The following MAP3K19 variants were observed in gnomAD, a reference collection of about 807,000 sequenced individuals.
MAP3K19 encodes the protein mitogen-activated protein kinase kinase kinase 19, also known as SPS1/STE20-related protein kinase YSK4.
In MAP3K19, 91 loss-of-function variants were observed where a neutral mutation model predicts 114.4. The ratio of observed to expected loss-of-function variants is 0.80; its 90% CI spans 0.67 to 0.95. MAP3K19 has a LOEUF of 0.95. Ranked by LOEUF, MAP3K19 falls within the 40% of genes least tolerant of loss-of-function variation. The probability of loss-of-function intolerance (pLI) is 0.00; values close to 1 mark genes in which losing one functional copy is unlikely to be tolerated. For synonymous variants in MAP3K19, 518 were observed against 530.5 expected, an observed-to-expected ratio of 0.98 and a Z score of 0.32; for missense variants, 1,471 against 1,573.2, an observed-to-expected ratio of 0.94 and a Z score of 1.10.
chr2:134,994,654 G>A (rs1685854876), intron 8 of MAP3K19, among the ~76,000 whole-genome samples: 1 of 152,144 alleles, frequency 6.6e-6, no homozygotes, highest in African/African-American at 2.4e-5. Flanking sequence ...ATCTCTCTGG[G>A]GAAAACTAGC....
chr2:134,997,147 C>T (rs537819788), intron 8 of MAP3K19, among the ~76,000 whole-genome samples: 1 of 152,298 alleles, frequency 6.6e-6, no homozygotes, highest in African/African-American at 2.4e-5. Flanking sequence ...AGTCTAGGTC[C>T]ACTTCAAGTC....
chr2:135,047,321 TA>T lies in MAP3K19; in HGVS notation c.-561del, dbSNP rs1393112540. ...CCCACACTTCAACCAGGGATCCATTTAAAAACAGCATAGATTCAGATTTTTT... is the reference window on the plus strand; with the variant it reads ...CCCACACTTCAACCAGGGATCCATTTAAAACAGCATAGATTCAGATTTTTT... On this transcript the variant is annotated 5_prime_UTR_variant, in exon 1 of 13. The change creates a premature stop within an existing upstream ORF in the 5' untranslated region. Transcript: ENST00000392915. 1 of 152,194 alleles carries T rather than the reference TA, an allele frequency of 6.6e-6. No individual in the cohort carries two copies. Among genetic ancestry groups the T allele is most frequent in the African/African-American group, 2.4e-5 (1 of 41,458 alleles). 9.4% of individuals were successfully genotyped at this position (152,194 alleles called of 1,614,324 possible).
In MAP3K19 at chr2:134,987,560, T is replaced by C; in HGVS notation, c.1312A>G (p.Thr438Ala). Reference protein sequence around the residue: ...MEPNNILEECTVLKSLSSVVF... With the variant: ...MEPNNILEECAVLKSLSSVVF... ...ACACTGGATAAGCTTTTAAGTACAG[T>C]ACACTCTTCTAAAATATTGTTTGGT... Residue 438 changes from threonine (T) to alanine (A), a missense_variant, in exon 10 of 13, where the codon ACT becomes GCT. By Grantham distance (58) the Thr-to-Ala change is moderately conservative. Coordinates refer to ENST00000392915, the MANE Select transcript of MAP3K19 (RefSeq NM_025052.5). 2 of 1,614,190 alleles carry C rather than the reference T, an allele frequency of 1.2e-6. No homozygotes were observed. The highest frequency in any genetic ancestry group is 1.7e-6 in the Non-Finnish European group (2 of 1,180,016).
Position 135,024,728 on chromosome 2 carries a change from A to T in MAP3K19, c.-81T>A. On this transcript the variant is annotated 5_prime_UTR_variant, in exon 4 of 13. Coordinates refer to ENST00000392915, the MANE Select transcript of MAP3K19 (RefSeq NM_025052.5). ...ATTGCTGATTTTCCACTAAAATCACAAAGTTTAGGATCTCTAGGAAGAACA... is the reference window on the plus strand; with the variant it reads ...ATTGCTGATTTTCCACTAAAATCACTAAGTTTAGGATCTCTAGGAAGAACA... 8.2e-7 allele frequency: 1 copy of T among 1,214,924 alleles called. No homozygotes were observed. The allele number at this position is 1,214,924 out of a possible 1,614,324, so 75.3% of individuals were successfully genotyped here.
intron 6 of MAP3K19, among the ~76,000 whole-genome samples, chr2:135,004,400 G>A (rs1359656235): frequency 6.6e-6 from 1 of 152,168 alleles, no homozygotes; most frequent in African/African-American, 2.4e-5. Flanking sequence ...GATTCCCAGT[G>A]GGCGTGAGAA....
chr2:135,015,890 T>C (rs1410224555), intron 5 of MAP3K19, among the ~76,000 whole-genome samples: 1 of 148,098 alleles, frequency 6.8e-6, no homozygotes, highest in Admixed American at 6.7e-5. Context: ...AGCCTCCATC[T>C]CAAAAAAAAA....
At chr2:134,978,248 G>A (rs1400173165) in intron 12 of MAP3K19, among the ~76,000 whole-genome samples, 1 of 150,152 alleles carries the variant, frequency 6.7e-6, no homozygotes, top group Non-Finnish European at 1.5e-5. Context: ...GTGCAGTGGT[G>A]CCATCTCAGC....
intron 5 of MAP3K19, among the ~76,000 whole-genome samples, chr2:135,014,293 G>A (rs1187621753): frequency 6.6e-6 from 1 of 152,128 alleles, no homozygotes; most frequent in Non-Finnish European, 1.5e-5. Context: ...GGCGGAGGTT[G>A]CAGTAAGCTG....
chr2:134,991,698 A>G, intron 8 of MAP3K19, 118 bp from the exon 9 acceptor site: 2 of 811,224 alleles, frequency 2.5e-6, no homozygotes, highest in South Asian at 3.1e-5. Context: ...AGTTGTAGAA[A>G]TTGGAGGTTT....
chr2:135,033,787 C>T (rs1386128769), intron 2 of MAP3K19, among the ~76,000 whole-genome samples: 10 of 59,172 alleles, frequency 1.7e-4, no homozygotes, highest in African/African-American at 3.5e-4. Context: ...GCAGAGGCGC[C>T]CCTCACCTCC....
chr2:134,974,775 A>C (rs1264284574), intron 12 of MAP3K19, among the ~76,000 whole-genome samples: 1 of 151,998 alleles, frequency 6.6e-6, no homozygotes. Flanking sequence ...GATGTAGTCT[A>C]TTGTCGAAGC....
chr2:135,028,372 A>G (rs2104781006), intron 3 of MAP3K19, among the ~76,000 whole-genome samples: 1 of 152,248 alleles, frequency 6.6e-6, no homozygotes, highest in South Asian at 2.1e-4. Context: ...CCTGGGCAAC[A>G]TGGCAAAACC....
intron 6 of MAP3K19, 150 bp downstream of exon 6, chr2:135,005,285 C>T (rs889925078): frequency 5.3e-5 from 32 of 602,588 alleles, no homozygotes; most frequent in Middle Eastern, 4.1e-4. Flanking sequence ...AATTATTTTT[C>T]CTGATCCTCT....
Position 135,005,487 on chromosome 2 carries a change from A to T in MAP3K19, c.183T>A (p.Asn61Lys), listed in dbSNP as rs757924047. 8 of 1,614,164 alleles carry T rather than the reference A, an allele frequency of 5.0e-6. No individual in the cohort carries two copies. Among genetic ancestry groups the T allele is most frequent in the Non-Finnish European group, 6.8e-6 (8 of 1,179,994 alleles). The change falls in exon 6 of 13, where the codon AAT becomes AAA. Residue 61 changes from asparagine (N) to lysine (K), a missense_variant. Asn to Lys is a moderately conservative substitution (Grantham distance 94). Coordinates refer to ENST00000392915, the MANE Select transcript of MAP3K19 (RefSeq NM_025052.5). ...TACCACCACTGGGATCTTCTTCTTC[A>T]TTAACCAGTGTGGAATGACTGCAGT... ...DGDCSHSTLV[N>K]EEEDPSGGRQ...
chr2:134,968,517 G>T (rs1377764936), intron 12 of MAP3K19, among the ~76,000 whole-genome samples: 1 of 150,090 alleles, frequency 6.7e-6, no homozygotes, highest in Non-Finnish European at 1.5e-5. Flanking sequence ...CCCGGACGGG[G>T]TGGCTGCCGG....
At chr2:134,992,675 ATT>A (rs11414198) in intron 8 of MAP3K19, among the ~76,000 whole-genome samples, 1 of 148,200 alleles carries the variant, frequency 6.7e-6, no homozygotes, top group Non-Finnish European at 1.5e-5. Context: ...AGAGCTGCAG[ATT>A]TTTTTTTTTT....
chr2:135,032,577 T>C (rs1434454197), intron 2 of MAP3K19, among the ~76,000 whole-genome samples: 1 of 126,262 alleles, frequency 7.9e-6, no homozygotes, highest in Non-Finnish European at 1.5e-5. Context: ...AAATAAAATG[T>C]TGTTTGTTTT....
In MAP3K19 at chr2:135,033,253, C is replaced by A. The variant is rs1269372407; in HGVS notation, c.-283-2753G>T. On this transcript the variant is annotated intron_variant, in intron 2 of 12. Transcript: ENST00000392915. The stretch of plus-strand genomic sequence containing the variant: ...TGGCCGGGCGGGGGGCTGACCCCCC[C>A]ACCTCCCTCCCAGACAGGGCGGCTG... 2.8e-5 allele frequency among the ~76,000 whole-genome samples: 3 copies of A among 107,958 alleles called. 1 individual carries two copies. The highest frequency in any genetic ancestry group is 9.9e-5 in the African/African-American group (2 of 20,108). 70.8% of individuals were successfully genotyped at this position (107,958 alleles called of 152,430 possible).
At chr2:134,988,365 A>C (rs1046402405) in intron 9 of MAP3K19, 112 bp from the exon 10 acceptor site, 8 of 873,178 alleles carry the variant, frequency 9.2e-6, no homozygotes, top group Non-Finnish European at 1.3e-5. Flanking sequence ...AGGCTTTTAA[A>C]GTTCAAAGCT....
Sources: allele counts gnomAD v4.1 joint callset (sites outside exome capture counted in the v4.1 genomes callset), GRCh38; gene constraint gnomAD v4.1.1; transcripts MANE v1.5; gene names NCBI Gene and HGNC (gene_info 2026-07-23, HGNC 2026-07-21).